The following MID1 variants were observed in gnomAD, a reference collection of about 807,000 sequenced individuals.
The protein encoded by MID1 is E3 ubiquitin-protein ligase Midline-1.
MID1 carries 7 observed loss-of-function variants against 40.4 expected under a neutral mutation model. That is an observed-to-expected ratio of 0.17 (90% CI 0.10 to 0.33). MID1 has a LOEUF of 0.33. Ranked by LOEUF, MID1 falls within the 10% of genes least tolerant of loss-of-function variation. The probability of loss-of-function intolerance (pLI) is 1.00; values close to 1 mark genes in which losing one functional copy is unlikely to be tolerated. For missense variants in MID1, 367 were observed against 558.5 expected, an observed-to-expected ratio of 0.66 and a Z score of 3.46; for synonymous variants, 229 against 221.2, an observed-to-expected ratio of 1.04 and a Z score of -0.31.
At chrX:10,702,767 T>C (rs751326726) in intron 1 of MID1, among the ~76,000 whole-genome samples, 1 of 112,653 alleles carries the variant, frequency 8.9e-6, no homozygotes, top group Non-Finnish European at 1.9e-5. Flanking sequence ...AATTCGTATG[T>C]TGAAGCCTTA....
intron 1 of MID1, among the ~76,000 whole-genome samples, chrX:10,763,136 G>GTTT (rs760872479): frequency 2.1e-5 from 2 of 94,754 alleles, no homozygotes; most frequent in African/African-American, 7.6e-5. Context: ...TACATGGCTG[G>GTTT]TTTTTTTTTT....
At chrX:10,472,159 C>T (rs974869722) in intron 6 of MID1, among the ~76,000 whole-genome samples, 6 of 112,341 alleles carry the variant, frequency 5.3e-5, no homozygotes, top group African/African-American at 1.6e-4. Context: ...GGCTAATACT[C>T]CACAAAGACT....
chrX:10,518,161 T>A (rs1330770611), intron 3 of MID1, among the ~76,000 whole-genome samples: 1 of 112,109 alleles, frequency 8.9e-6, no homozygotes, highest in Non-Finnish European at 1.9e-5. Flanking sequence ...CAGAAAGTCA[T>A]GTTAAGCAAA....
chrX:10,667,765 G>A (rs1166568907), intron 1 of MID1, among the ~76,000 whole-genome samples: 4 of 111,154 alleles, frequency 3.6e-5, no homozygotes, highest in South Asian at 3.8e-4. Flanking sequence ...AGCATCTTGT[G>A]AGCTTTTAGT....
intron 7 of MID1, among the ~76,000 whole-genome samples, chrX:10,464,007 C>A (rs988002455): frequency 8.9e-6 from 1 of 112,096 alleles, no homozygotes; most frequent in Admixed American, 9.4e-5. Flanking sequence ...AAGGGAGGAA[C>A]ACATCCTGAT....
rs1380288586 is a variant in MID1 at position 10,459,803 on chromosome X, C to T, written c.1290G>A (p.Leu430=). 3 of 1,208,631 alleles carry T rather than the reference C, an allele frequency of 2.5e-6. No individual in the cohort carries two copies. The highest frequency in any genetic ancestry group is 3.4e-6 in the Non-Finnish European group (3 of 894,823). ...IFTGQANVVS[L]CNSADSWMIV... Reference sequence around the variant, plus strand: ...TCATCCAGCTATCAGCCGAATTACACAGACCTGCAAAGCCAATCAGACATG... The same window carrying T: ...TCATCCAGCTATCAGCCGAATTACATAGACCTGCAAAGCCAATCAGACATG... Residue 430 remains leucine, a synonymous_variant, in exon 8 of 10, where the codon CTG becomes CTA. Transcript: ENST00000317552.
chrX:10,711,240 A>G (rs1343611070), intron 1 of MID1, among the ~76,000 whole-genome samples: 1 of 112,225 alleles, frequency 8.9e-6, no homozygotes, highest in Non-Finnish European at 1.9e-5. Context: ...GTGACAGTCA[A>G]TTAATGAAGG....
At chrX:10,555,163 T>C (rs1934069945) in intron 2 of MID1, among the ~76,000 whole-genome samples, 1 of 111,721 alleles carries the variant, frequency 9.0e-6, no homozygotes, top group Admixed American at 9.5e-5. Flanking sequence ...TGAGAAGGGC[T>C]AGCAGTCCAG....
chrX:10,506,806 T>C (rs1047172158), intron 3 of MID1, among the ~76,000 whole-genome samples: 1 of 111,876 alleles, frequency 8.9e-6, no homozygotes, highest in Non-Finnish European at 1.9e-5. Context: ...TAAACAGAAT[T>C]TGCATCGGAC....
intron 2 of MID1, among the ~76,000 whole-genome samples, chrX:10,566,382 ATTCTT>A (rs1402020124): frequency 9.0e-6 from 1 of 111,015 alleles, no homozygotes; most frequent in Non-Finnish European, 1.9e-5. Flanking sequence ...TCTTCCCTCT[ATTCTT>A]TTGTTTGTGC....
chrX:10,472,566 A>AGTCT (rs1929769815), intron 6 of MID1, among the ~76,000 whole-genome samples: 1 of 112,600 alleles, frequency 8.9e-6, no homozygotes, highest in Non-Finnish European at 1.9e-5. Flanking sequence ...TTAATTTTCC[A>AGTCT]GTCTTTTCTG....
chrX:10,498,124 G>T lies in MID1; in HGVS notation c.757-2433C>A, dbSNP rs981913964. On this transcript the variant is annotated intron_variant, in intron 3 of 9. Coordinates refer to ENST00000317552, the MANE Select transcript of MID1 (RefSeq NM_000381.4). ...GGGAGTTGATTTTTTTTGAGACAGG[G>T]TCTTGCTCTTGCTCTATCACTCAGG... Among the ~76,000 whole-genome samples, 17 of 111,360 alleles carry T rather than the reference G, an allele frequency of 1.5e-4. No individual in the cohort carries two copies. The Admixed American group carries it at 1.6e-3, about 11-fold the overall frequency.
At chrX:10,797,407 C>T (rs1328141690) in intron 1 of MID1, among the ~76,000 whole-genome samples, 2 of 111,779 alleles carry the variant, frequency 1.8e-5, no homozygotes, top group African/African-American at 6.5e-5. Flanking sequence ...GCATAAAGAA[C>T]CAATTGACTA....
chrX:10,618,488 TCTC>T (rs1466784896), intron 1 of MID1, among the ~76,000 whole-genome samples: 1 of 111,685 alleles, frequency 9.0e-6, no homozygotes, highest in Non-Finnish European at 1.9e-5. Context: ...CTCTCCTTCA[TCTC>T]CTCCCCTGTT....
At chrX:10,753,162 G>C (rs1386443440) in intron 1 of MID1, among the ~76,000 whole-genome samples, 1 of 112,324 alleles carries the variant, frequency 8.9e-6, no homozygotes, top group Non-Finnish European at 1.9e-5. Flanking sequence ...GGAATCAAAG[G>C]CTTGCAGAAC....
chrX:10,478,970 G>A (rs1930164900), intron 5 of MID1, among the ~76,000 whole-genome samples: 1 of 111,741 alleles, frequency 8.9e-6, no homozygotes, highest in African/African-American at 3.3e-5. Flanking sequence ...AGAGAAGAAT[G>A]TTAAGTGACA....
intron 2 of MID1, among the ~76,000 whole-genome samples, chrX:10,566,510 TCCCTCTCTCTCCCTCTCTCTCC>T (rs1934543412): frequency 9.2e-5 from 4 of 43,347 alleles, no homozygotes; most frequent in African/African-American, 2.7e-4. Flanking sequence ...TCTCTCTCTC[TCCCTCTCTCTCCCTCTCTCTCC>T]CTCTCTCTCT....
chrX:10,664,883 A>C (rs970156854), intron 1 of MID1, among the ~76,000 whole-genome samples: 4 of 112,335 alleles, frequency 3.6e-5, no homozygotes, highest in Non-Finnish European at 5.6e-5. Flanking sequence ...CAGAAATTAG[A>C]ATGGGAAACA....
chrX:10,831,753 G>A (rs939634994), intron 1 of MID1, among the ~76,000 whole-genome samples: 1 of 111,591 alleles, frequency 9.0e-6, no homozygotes, highest in African/African-American at 3.3e-5. Flanking sequence ...CTAAACATGA[G>A]ATCCAAAAAC....
Sources: gnomAD v4.1 joint callset for allele counts (sites outside exome capture counted in the v4.1 genomes callset) on GRCh38, gnomAD v4.1.1 for gene constraint, MANE v1.5 for transcripts, NCBI Gene and HGNC (gene_info 2026-07-23, HGNC 2026-07-21) for gene names.